Variants in EFHC1 observed in about 807,000 individuals in gnomAD.
EFHC1 encodes EF-hand domain-containing protein 1.
A neutral mutation model predicts 69.9 loss-of-function variants in EFHC1; 53 were observed. The ratio of observed to expected loss-of-function variants is 0.76; its 90% CI spans 0.61 to 0.95. The LOEUF is 0.95. Ranked by LOEUF, EFHC1 falls within the 40% of genes least tolerant of loss-of-function variation. The pLI is 0.00. For missense variants in EFHC1, 739 were observed against 798.7 expected (o/e 0.93, Z 0.90); for synonymous variants, 256 against 278.4 (o/e 0.92, Z 0.80).
chr6:52,481,514 C>G (rs1765675165), intron 9 of EFHC1: 1 of 148,956 alleles, frequency 6.7e-6, no homozygotes, highest in African/African-American at 2.5e-5. Context: ...ATCTCTCTCT[C>G]TCTCTCTCTC....
chr6:52,491,588 G>A (rs1320340762), intron 10 of EFHC1, among the ~76,000 whole-genome samples: 1 of 152,214 alleles, frequency 6.6e-6, no homozygotes, highest in Non-Finnish European at 1.5e-5. Flanking sequence ...AAATGTGGCA[G>A]ACTGCCACGG....
At chr6:52,439,769 A>G (rs1272188539) in intron 3 of EFHC1, among the ~76,000 whole-genome samples, 3 of 152,098 alleles carry the variant, frequency 2.0e-5, no homozygotes, top group Non-Finnish European at 4.4e-5. Context: ...CATCAGTGCC[A>G]TTCCAAAGCA....
At chr6:52,458,794 A>G (rs1419169189) in intron 5 of EFHC1, among the ~76,000 whole-genome samples, 4 of 152,224 alleles carry the variant, frequency 2.6e-5, no homozygotes, top group Non-Finnish European at 5.9e-5. Context: ...TATCCAAAAG[A>G]TACTTGTATT....
At chr6:52,421,254 A>C (rs570697485) in intron 1 of EFHC1, among the ~76,000 whole-genome samples, 7 of 152,146 alleles carry the variant, frequency 4.6e-5, no homozygotes, top group Admixed American at 1.3e-4. Flanking sequence ...ATTCCTTTCC[A>C]GTTCCCTCAA....
intron 1 of EFHC1, chr6:52,423,667 T>TTTTC: frequency 4.4e-6 from 2 of 451,492 alleles, no homozygotes; most frequent in South Asian, 3.1e-5. Flanking sequence ...ATTTTTTTTT[T>TTTTC]TTTTTTTTTT....
At position 52,464,248 on chromosome 6, in the gene EFHC1, T is replaced by C. The variant is rs540099642; in HGVS notation, c.917-647T>C. ...GATTCTACATTTGGAAATTATTTATTCCCACATGAATGGATTATTGTCATC... is the reference window on the plus strand; with the variant it reads ...GATTCTACATTTGGAAATTATTTATCCCCACATGAATGGATTATTGTCATC... On this transcript the variant is annotated intron_variant, in intron 5 of 10. Transcript: ENST00000371068. 1.3e-3 allele frequency among the ~76,000 whole-genome samples: 193 copies of C among 152,364 alleles called. 1 individual carries two copies. The highest frequency in any genetic ancestry group is 4.4e-3 in the African/African-American group (181 of 41,588).
At chr6:52,446,133 T>C (rs914887310) in intron 3 of EFHC1, among the ~76,000 whole-genome samples, 1 of 152,160 alleles carries the variant, frequency 6.6e-6, no homozygotes, top group Non-Finnish European at 1.5e-5. Flanking sequence ...TTCTGTCTTG[T>C]TGATCTGTCT....
intron 9 of EFHC1, among the ~76,000 whole-genome samples, chr6:52,480,485 C>T (rs1048026020): frequency 6.6e-6 from 1 of 152,160 alleles, no homozygotes; most frequent in Non-Finnish European, 1.5e-5. Context: ...CAAGAAGTTG[C>T]TGCCCACATT....
chr6:52,427,933 G>A (rs1393721087), intron 2 of EFHC1, among the ~76,000 whole-genome samples: 3 of 152,118 alleles, frequency 2.0e-5, no homozygotes, highest in South Asian at 2.1e-4. Context: ...CTTCCTGGGA[G>A]TTAGAAGACC....
Position 52,496,547 on chromosome 6 carries a change from C to G in EFHC1, c.*4206C>G, listed in dbSNP as rs1766068242. ...AGAGAATCCACTTGGTTAAGTGACTCCTGAGTATCCTGCTGGCACATAAGT... is the reference window on the plus strand; with the variant it reads ...AGAGAATCCACTTGGTTAAGTGACTGCTGAGTATCCTGCTGGCACATAAGT... On this transcript the variant is annotated 3_prime_UTR_variant, in exon 11 of 11. Coordinates refer to ENST00000371068, the MANE Select transcript of EFHC1 (RefSeq NM_018100.4). The G allele has an allele frequency of 6.6e-6, 1 of 152,170 alleles. No homozygotes were observed. The highest frequency in any genetic ancestry group is 1.5e-5 in the Non-Finnish European group (1 of 68,036). The allele number at this position is 152,170 out of a possible 1,614,324, so 9.4% of individuals were successfully genotyped here.
intron 5 of EFHC1, among the ~76,000 whole-genome samples, chr6:52,463,496 G>T (rs1765221863): frequency 6.6e-6 from 1 of 152,078 alleles, no homozygotes; most frequent in South Asian, 2.1e-4. Context: ...GTAATTCTAA[G>T]CTTAACACAA....
rs1764581200 is a variant in EFHC1 at position 52,438,363 on chromosome 6, T to C, written c.345T>C (p.Tyr115=). Residue 115 remains tyrosine, a synonymous_variant, in exon 3 of 11, where the codon TAT becomes TAC. Transcript: ENST00000371068. ...EDVPMSTEEQ[Y]RIRQVNIYYY... is the part of the protein sequence containing the mutation. ...TTCCTATGTCAACTGAGGAACAGTA[T>C]AGGATCCGTCAGGTGAACATTTACT... is the stretch of plus-strand genomic sequence containing the variant. The C allele has an allele frequency of 6.2e-7, 1 of 1,613,790 alleles. No individual in the cohort carries two copies. Among genetic ancestry groups the C allele is most frequent in the African/African-American group, 1.3e-5 (1 of 74,932 alleles).
At chr6:52,465,795 A>G (rs1765292712) in intron 6 of EFHC1, among the ~76,000 whole-genome samples, 1 of 149,656 alleles carries the variant, frequency 6.7e-6, no homozygotes, top group South Asian at 2.1e-4. Flanking sequence ...CAACAGAATG[A>G]GTGAAAGTCT....
intron 3 of EFHC1, among the ~76,000 whole-genome samples, chr6:52,446,260 T>C (rs943443585): frequency 2.8e-4 from 43 of 152,246 alleles, no homozygotes; most frequent in African/African-American, 1.0e-3. Context: ...TGGGTGCATA[T>C]ATATTTAGGA....
chr6:52,450,831 C>T (rs1764899964), intron 3 of EFHC1, among the ~76,000 whole-genome samples: 1 of 152,118 alleles, frequency 6.6e-6, no homozygotes, highest in Non-Finnish European at 1.5e-5. Flanking sequence ...CAGAATCTCA[C>T]TTTGTCACCC....
Position 52,495,966 on chromosome 6 carries a change from G to C in EFHC1, c.*3625G>C, listed in dbSNP as rs537272207. 8.7e-6 allele frequency: 2 copies of C among 228,612 alleles called. No homozygotes were observed. The highest frequency in any genetic ancestry group is 4.5e-5 in the African/African-American group (2 of 43,972). The allele number at this position is 228,612 out of a possible 1,614,324, so 14.2% of individuals were successfully genotyped here. On this transcript the variant is annotated 3_prime_UTR_variant, in exon 11 of 11. Coordinates refer to ENST00000371068, the MANE Select transcript of EFHC1 (RefSeq NM_018100.4). ...CTGTTTATACAAAGCAGCAAGTATAGGAGCCACAAACGTCAGAGCAAATCA... is the reference window on the plus strand; with the variant it reads ...CTGTTTATACAAAGCAGCAAGTATACGAGCCACAAACGTCAGAGCAAATCA...
At chr6:52,445,591 C>G (rs1324917991) in intron 3 of EFHC1, among the ~76,000 whole-genome samples, 1 of 151,972 alleles carries the variant, frequency 6.6e-6, no homozygotes. Context: ...TTATTTCTTG[C>G]CTTCTGCTAG....
chr6:52,448,656 C>A (rs1235262797), intron 3 of EFHC1, among the ~76,000 whole-genome samples: 1 of 152,212 alleles, frequency 6.6e-6, no homozygotes, highest in Non-Finnish European at 1.5e-5. Context: ...GAGCTTCAGA[C>A]TGGAGCTGTT....
rs2114023506 is a variant in EFHC1, at chr6:52,479,130, A to G, written c.1372A>G (p.Asn458Asp). 1 of 1,614,070 alleles carries G rather than the reference A, an allele frequency of 6.2e-7. No homozygotes were observed. The highest frequency in any genetic ancestry group is 2.2e-5 in the East Asian group (1 of 44,886). The change falls in exon 8 of 11, where the codon AAT (asparagine) becomes GAT (aspartate). Residue 458 changes from asparagine to aspartate, a missense_variant. Physicochemically the swap from Asn to Asp is conservative, Grantham distance 23. Coordinates refer to ENST00000371068, the MANE Select transcript of EFHC1 (RefSeq NM_018100.4). ...MISIFEPPVR[N>D]SGIIGGKYLG... ...CAGTATCTTTGAGCCTCCTGTTCGC[A>G]ATTCTGGTATCATTGGGGGCAAGTA... is the stretch of plus-strand genomic sequence containing the variant.
Sources: gnomAD v4.1 joint callset for allele counts (sites outside exome capture counted in the v4.1 genomes callset) on GRCh38, gnomAD v4.1.1 for gene constraint, MANE v1.5 for transcripts, NCBI Gene and HGNC (gene_info 2026-07-23, HGNC 2026-07-21) for gene names.